The following TTC23 variants were observed in gnomAD, a reference collection of about 807,000 sequenced individuals.
TTC23 encodes tetratricopeptide repeat protein 23.
Under a neutral mutation model 55.1 loss-of-function variants are expected in TTC23, and 58 were observed. The observed-to-expected ratio is 1.05, with a 90% CI of 0.85 to 1.31. The LOEUF (loss-of-function observed/expected upper bound fraction) is 1.31. Among genes scored for constraint, TTC23 ranks in the 50% most tolerant of loss-of-function variants. TTC23 has a pLI of 0.00. For missense variants in TTC23, 516 were observed against 534.4 expected (o/e 0.97, Z 0.34); for synonymous variants, 203 against 199.9 (o/e 1.02, Z -0.13).
intron 5 of TTC23, among the ~76,000 whole-genome samples, chr15:99,224,305 C>T (rs1028601164): frequency 3.3e-5 from 5 of 152,148 alleles, no homozygotes; most frequent in African/African-American, 2.4e-5. Context: ...GTAAGTTTAC[C>T]GCCTAGAGAT....
intron 1 of TTC23, among the ~76,000 whole-genome samples, chr15:99,246,110 T>C (rs943230036): frequency 6.6e-6 from 1 of 152,070 alleles, no homozygotes; most frequent in African/African-American, 2.4e-5. Context: ...GGGCCCAGCC[T>C]GTTAGGCAAA....
At chr15:99,182,269 CACA>C (rs1457698546) in intron 9 of TTC23, among the ~76,000 whole-genome samples, 1 of 151,510 alleles carries the variant, frequency 6.6e-6, no homozygotes, top group Non-Finnish European at 1.5e-5. Flanking sequence ...CACACACACA[CACA>C]CACACACACA....
At chr15:99,199,458 TTGTGTGTGTG>T (rs149241257) in intron 9 of TTC23, among the ~76,000 whole-genome samples, 1 of 146,058 alleles carries the variant, frequency 6.8e-6, no homozygotes, top group Non-Finnish European at 1.5e-5. Context: ...GTGTGTGTGT[TTGTGTGTGTG>T]TGTGTGTGTG....
chr15:99,228,181 T>A (rs1199547264), intron 5 of TTC23, among the ~76,000 whole-genome samples: 2 of 152,206 alleles, frequency 1.3e-5, no homozygotes, highest in Non-Finnish European at 2.9e-5. Flanking sequence ...TGAGTAAAAC[T>A]TTTGAGGAAA....
At chr15:99,186,604 G>A (rs772442853) in intron 9 of TTC23, among the ~76,000 whole-genome samples, 8 of 152,060 alleles carry the variant, frequency 5.3e-5, no homozygotes, top group Non-Finnish European at 1.2e-4. Context: ...ACTAATAAAT[G>A]AGTTCAGCAA....
intron 12 of TTC23, chr15:99,151,195 C>G (rs946597529): frequency 9.9e-5 from 15 of 152,234 alleles, no homozygotes; most frequent in African/African-American, 3.4e-4. Context: ...TGCTGGCAAC[C>G]CTGTCCCAGG....
At chr15:99,222,192 A>AATG (rs1284902006) in intron 5 of TTC23, among the ~76,000 whole-genome samples, 10 of 152,340 alleles carry the variant, frequency 6.6e-5, no homozygotes, top group African/African-American at 2.4e-4. Flanking sequence ...GCTGCCCACC[A>AATG]ATGAACAGCT....
intron 12 of TTC23, among the ~76,000 whole-genome samples, chr15:99,141,442 G>A (rs1199945815): frequency 1.3e-5 from 2 of 152,144 alleles, no homozygotes; most frequent in Admixed American, 6.5e-5. Flanking sequence ...TGGGGATGGG[G>A]TAGGTATAGA....
chr15:99,215,644 G>C (rs2077418906), intron 8 of TTC23, among the ~76,000 whole-genome samples: 1 of 152,134 alleles, frequency 6.6e-6, no homozygotes, highest in African/African-American at 2.4e-5. Flanking sequence ...TACTCAGGAG[G>C]CTGAGATGAG....
chr15:99,162,650 C>T (rs1401794403), intron 10 of TTC23, among the ~76,000 whole-genome samples: 4 of 152,124 alleles, frequency 2.6e-5, no homozygotes, highest in Admixed American at 1.3e-4. Flanking sequence ...CTGGTGTGGC[C>T]GGCAGAATTC....
chr15:99,225,254 T>C (rs1215001397), intron 5 of TTC23, among the ~76,000 whole-genome samples: 1 of 152,224 alleles, frequency 6.6e-6, no homozygotes, highest in Non-Finnish European at 1.5e-5. Flanking sequence ...ATATCCCTAT[T>C]GGTTTTCCAA....
intron 5 of TTC23, 108 bp from the exon 6 acceptor site, chr15:99,221,972 T>C: frequency 7.8e-7 from 1 of 1,286,192 alleles, no homozygotes; most frequent in Non-Finnish European, 1.1e-6. Context: ...GACTACTATG[T>C]GCAAAACATT....
intron 3 of TTC23, among the ~76,000 whole-genome samples, chr15:99,237,898 T>C (rs1243301494): frequency 6.6e-6 from 1 of 152,170 alleles, no homozygotes; most frequent in Admixed American, 6.5e-5. Context: ...CTCTTCAAAC[T>C]CCAATTCCAT....
At position 99,190,820 on chromosome 15, in the gene TTC23, C is replaced by T. The variant is rs187508845; in HGVS notation, c.759+9099G>A. ...TTTGAGACAGGGTGAAGTGCAGTGGCGTCCAGGTTGGAGTGCAGTGATGCT... is the reference window on the plus strand; with the variant it reads ...TTTGAGACAGGGTGAAGTGCAGTGGTGTCCAGGTTGGAGTGCAGTGATGCT... On this transcript the variant is annotated intron_variant, in intron 9 of 13. Coordinates refer to ENST00000394132, the MANE Select transcript of TTC23 (RefSeq NM_001288615.3). Among the ~76,000 whole-genome samples, 241 of 152,120 alleles carry T rather than the reference C, an allele frequency of 1.6e-3. 2 individuals carry two copies. The highest frequency in any genetic ancestry group is 6.8e-3 in the Middle Eastern group (2 of 294).
chr15:99,246,941 C>CAAAAACCAA (rs2080298952), intron 1 of TTC23, among the ~76,000 whole-genome samples: 1 of 151,700 alleles, frequency 6.6e-6, no homozygotes, highest in South Asian at 2.1e-4. Context: ...AACAAACAAA[C>CAAAAACCAA]AAAAACCAAA....
At chr15:99,176,398 C>G (rs2073557301) in intron 9 of TTC23, among the ~76,000 whole-genome samples, 1 of 152,042 alleles carries the variant, frequency 6.6e-6, no homozygotes, top group Non-Finnish European at 1.5e-5. Flanking sequence ...ATTGCTAGAG[C>G]TCAGGAGTTC....
chr15:99,155,869 C>T (rs562840969), intron 12 of TTC23: 6 of 478,138 alleles, frequency 1.3e-5, no homozygotes, highest in African/African-American at 3.8e-5. Flanking sequence ...GAGAGAGCAC[C>T]GCAAACATAA....
intron 8 of TTC23, among the ~76,000 whole-genome samples, chr15:99,205,127 C>T (rs767785940): frequency 9.9e-5 from 15 of 151,828 alleles, no homozygotes; most frequent in South Asian, 2.1e-4. Flanking sequence ...GATTTATTTC[C>T]GGGGTTTCTA....
chr15:99,242,603 A>G (rs1266160506), intron 2 of TTC23, among the ~76,000 whole-genome samples: 1 of 152,216 alleles, frequency 6.6e-6, no homozygotes, highest in African/African-American at 2.4e-5. Context: ...ATATTGGCAA[A>G]CCAAATCTAG....
Sources: allele counts gnomAD v4.1 joint callset (sites outside exome capture counted in the v4.1 genomes callset), GRCh38; gene constraint gnomAD v4.1.1; transcripts MANE v1.5; gene names NCBI Gene and HGNC (gene_info 2026-07-23, HGNC 2026-07-21).